The following SS18 variants were observed in gnomAD, a reference collection of about 807,000 sequenced individuals.
The protein encoded by SS18 is protein SSXT.
A neutral mutation model predicts 72.5 loss-of-function variants in SS18; 28 were observed. That is an observed-to-expected ratio of 0.39 (90% CI 0.29 to 0.53). The LOEUF (loss-of-function observed/expected upper bound fraction) is 0.53. SS18 is among the 20% of genes least tolerant of loss of function. The probability of loss-of-function intolerance (pLI) is 0.76; values close to 1 mark genes in which losing one functional copy is unlikely to be tolerated. For missense variants in SS18, 518 were observed against 535.3 expected (o/e 0.97, Z 0.32); for synonymous variants, 172 against 164.2 (o/e 1.05, Z -0.37).
rs554290139 is a variant in SS18, at chr18:26,088,273, T to A, written c.70-696A>T. 2.0e-5 allele frequency among the ~76,000 whole-genome samples: 3 copies of A among 152,336 alleles called. No individual in the cohort carries two copies. The South Asian group carries it at 6.2e-4, about 32-fold the overall frequency. On this transcript the variant is annotated intron_variant, in intron 1 of 10. Coordinates refer to ENST00000415083, the MANE Select transcript of SS18 (RefSeq NM_001007559.3). Reference sequence around the variant, plus strand: ...GTTAAGAGTCCGAGTTGGTTTTTCATCATTCTAATGCTTTGGAACAGTAAA... The same window carrying A: ...GTTAAGAGTCCGAGTTGGTTTTTCAACATTCTAATGCTTTGGAACAGTAAA...
chr18:26,056,363 G>A (rs895007492), intron 4 of SS18, among the ~76,000 whole-genome samples: 1 of 152,214 alleles, frequency 6.6e-6, no homozygotes, highest in Non-Finnish European at 1.5e-5. Flanking sequence ...GTGTCCTGGT[G>A]AACTAAATGT....
upstream of SS18, chr18:26,090,991 C>G (rs1429495721): frequency 1.4e-5 from 3 of 221,896 alleles, no homozygotes; most frequent in Non-Finnish European, 2.7e-5. Context: ...CCCTTCGCGC[C>G]GTGGCAACTT....
intron 5 of SS18, among the ~76,000 whole-genome samples, chr18:26,049,118 T>C (rs966285302): frequency 1.3e-5 from 2 of 152,230 alleles, no homozygotes; most frequent in African/African-American, 4.8e-5. Context: ...TTTGTAAAAT[T>C]CTTTATATTT....
intron 3 of SS18, among the ~76,000 whole-genome samples, chr18:26,074,311 T>C (rs1012947445): frequency 9.4e-5 from 13 of 137,848 alleles, no homozygotes; most frequent in Non-Finnish European, 8.0e-5. Context: ...CAACTAACCT[T>C]AAAAAAAAAA....
intron 10 of SS18, among the ~76,000 whole-genome samples, chr18:26,022,471 A>G (rs1366151947): frequency 6.6e-6 from 1 of 152,154 alleles, no homozygotes; most frequent in African/African-American, 2.4e-5. Flanking sequence ...GCATATGATA[A>G]TCATATTCAG....
At chr18:26,018,625 AT>A (rs2053290235) in intron 10 of SS18, among the ~76,000 whole-genome samples, 1 of 152,236 alleles carries the variant, frequency 6.6e-6, no homozygotes, top group Admixed American at 6.5e-5. Context: ...GCCTAGAATA[AT>A]ACTTGTCAGA....
At chr18:26,030,733 G>T (rs1002351305) in intron 10 of SS18, among the ~76,000 whole-genome samples, 5 of 151,962 alleles carry the variant, frequency 3.3e-5, no homozygotes, top group African/African-American at 1.2e-4. Flanking sequence ...GCTGAAACTG[G>T]GTTGAGAAGT....
At chr18:26,086,043 A>G (rs1598617783) in intron 2 of SS18, 1 of 89,942 alleles carries the variant, frequency 1.1e-5, no homozygotes, top group Non-Finnish European at 1.8e-5. Context: ...AAATATTCTG[A>G]AAAAAAAAAA....
intron 10 of SS18, among the ~76,000 whole-genome samples, chr18:26,031,867 T>C (rs574056497): frequency 5.9e-5 from 9 of 151,862 alleles, no homozygotes; most frequent in Admixed American, 1.3e-4. Context: ...TGAAGTGGAG[T>C]GCTCATGAAA....
At chr18:26,072,813 A>C (rs1468057096) in intron 3 of SS18, among the ~76,000 whole-genome samples, 4 of 151,254 alleles carry the variant, frequency 2.6e-5, no homozygotes, top group Middle Eastern at 3.4e-3. Flanking sequence ...AAAAAAAAAA[A>C]AAAAAAAAAC....
At chr18:26,089,168 T>C (rs1437547836) in intron 1 of SS18, among the ~76,000 whole-genome samples, 1 of 152,172 alleles carries the variant, frequency 6.6e-6, no homozygotes, top group Non-Finnish European at 1.5e-5. Flanking sequence ...ATCCTCCGAA[T>C]TAATCATTAT....
intron 2 of SS18, among the ~76,000 whole-genome samples, chr18:26,080,070 T>C (rs1488480571): frequency 6.6e-6 from 1 of 152,210 alleles, no homozygotes; most frequent in Admixed American, 6.5e-5. Context: ...TGAGACATGA[T>C]ACATCTTTGA....
intron 9 of SS18, 43 bp downstream of exon 9, chr18:26,034,962 G>A: frequency 6.3e-7 from 1 of 1,579,946 alleles, no homozygotes; most frequent in Non-Finnish European, 8.6e-7. Flanking sequence ...AAAACAATCA[G>A]CACATTTTTT....
intron 4 of SS18, among the ~76,000 whole-genome samples, chr18:26,056,440 T>C (rs1422404460): frequency 1.3e-5 from 2 of 152,242 alleles, no homozygotes; most frequent in African/African-American, 4.8e-5. Context: ...GATGTCTTTA[T>C]TCCTACCTCC....
intron 6 of SS18, 89 bp from the exon 7 acceptor site, chr18:26,038,748 T>C (rs1420922896): frequency 4.1e-6 from 5 of 1,211,712 alleles, no homozygotes; most frequent in Non-Finnish European, 6.0e-6. Context: ...TGAAAGATTA[T>C]TTCTCAACTA....
At chr18:26,022,046 T>C (rs1403841385) in intron 10 of SS18, among the ~76,000 whole-genome samples, 1 of 152,150 alleles carries the variant, frequency 6.6e-6, no homozygotes, top group Admixed American at 6.5e-5. Flanking sequence ...ATCTGAGCAA[T>C]ACCAAAATCT....
intron 4 of SS18, among the ~76,000 whole-genome samples, chr18:26,056,199 T>C (rs2054017973): frequency 6.6e-6 from 1 of 152,234 alleles, no homozygotes; most frequent in African/African-American, 2.4e-5. Context: ...TAACCATAAC[T>C]GTACTGCTGC....
In SS18 at chr18:26,028,109, AT is replaced by A. The variant is rs201416618; in HGVS notation, c.1230+4289del. ...CTCTTAATACTCAATAATAAAAAAAATAAAGAGCCTCCAATTTAAAAATGAG... is the reference window on the plus strand; with the variant it reads ...CTCTTAATACTCAATAATAAAAAAAAAAAGAGCCTCCAATTTAAAAATGAG... On this transcript the variant is annotated intron_variant, in intron 10 of 10. Coordinates refer to ENST00000415083, the MANE Select transcript of SS18 (RefSeq NM_001007559.3). 1.5e-3 allele frequency among the ~76,000 whole-genome samples: 223 copies of A among 152,282 alleles called. 1 individual carries two copies. The highest frequency in any genetic ancestry group is 5.1e-3 in the African/African-American group (211 of 41,580).
intron 2 of SS18, chr18:26,078,973 G>A (rs1018488397): frequency 1.3e-5 from 2 of 152,196 alleles, no homozygotes; most frequent in Non-Finnish European, 2.9e-5. Context: ...CAGTCAATAT[G>A]TTCTGCTAAA....
Sources: allele counts gnomAD v4.1 joint callset (sites outside exome capture counted in the v4.1 genomes callset), GRCh38; gene constraint gnomAD v4.1.1; transcripts MANE v1.5; gene names NCBI Gene and HGNC (gene_info 2026-07-23, HGNC 2026-07-21).